CACNA2D3: variants seen among roughly 807,000 people sequenced by gnomAD.
CACNA2D3 encodes voltage-dependent calcium channel subunit alpha-2/delta-3.
In CACNA2D3, 60 loss-of-function variants were observed where a neutral mutation model predicts 160.6. That is an observed-to-expected ratio of 0.37 (90% CI 0.30 to 0.46). The LOEUF is 0.46. Ranked by LOEUF, CACNA2D3 falls within the 20% of genes least tolerant of loss-of-function variation. CACNA2D3 has a pLI of 1.00. For synonymous variants in CACNA2D3, 558 were observed against 492.9 expected (o/e 1.13, Z -1.75); for missense variants, 1,205 against 1,365.0 (o/e 0.88, Z 1.85).
At chr3:55,068,596 T>G (rs1704722366) in intron 35 of CACNA2D3, among the ~76,000 whole-genome samples, 1 of 152,226 alleles carries the variant, frequency 6.6e-6, no homozygotes, top group Non-Finnish European at 1.5e-5. Flanking sequence ...TAAATATTCT[T>G]AAATACTGGT....
intron 17 of CACNA2D3, among the ~76,000 whole-genome samples, chr3:54,862,423 G>A (rs928041086): frequency 6.6e-6 from 1 of 151,994 alleles, no homozygotes; most frequent in African/African-American, 2.4e-5. Context: ...ACGCACACGT[G>A]ATGAAGGCTC....
chr3:54,835,515 A>G (rs935285482), intron 14 of CACNA2D3, among the ~76,000 whole-genome samples: 1 of 152,190 alleles, frequency 6.6e-6, no homozygotes, highest in African/African-American at 2.4e-5. Flanking sequence ...ACTAAGTTTA[A>G]TGACCTTTAC....
At chr3:54,152,612 C>T (rs1470261930) in intron 2 of CACNA2D3, among the ~76,000 whole-genome samples, 1 of 152,156 alleles carries the variant, frequency 6.6e-6, no homozygotes, top group Non-Finnish European at 1.5e-5. Flanking sequence ...CAATCAAGGG[C>T]CCAGAGAGGG....
chr3:55,017,178 T>C (rs1045247023), intron 34 of CACNA2D3, among the ~76,000 whole-genome samples: 1 of 152,188 alleles, frequency 6.6e-6, no homozygotes, highest in Non-Finnish European at 1.5e-5. Context: ...GTATTGGAAA[T>C]CTACAAACAT....
At chr3:54,194,030 C>G (rs1234638404) in intron 2 of CACNA2D3, among the ~76,000 whole-genome samples, 1 of 151,060 alleles carries the variant, frequency 6.6e-6, no homozygotes, top group Non-Finnish European at 1.5e-5. Flanking sequence ...AAATTGACCT[C>G]GTGGAGATAG....
At chr3:54,923,584 C>T (rs1183170556) in intron 27 of CACNA2D3, among the ~76,000 whole-genome samples, 3 of 152,184 alleles carry the variant, frequency 2.0e-5, no homozygotes, top group Admixed American at 2.0e-4. Context: ...TCTGTTTCTA[C>T]TACCAGAATG....
At chr3:54,431,209 C>T (rs778679954) in intron 4 of CACNA2D3, among the ~76,000 whole-genome samples, 4 of 151,468 alleles carry the variant, frequency 2.6e-5, no homozygotes, top group Non-Finnish European at 4.4e-5. Context: ...CAATGGCAGG[C>T]GCCTGTAATC....
intron 6 of CACNA2D3, among the ~76,000 whole-genome samples, chr3:54,565,338 GA>G (rs1702392577): frequency 6.6e-6 from 1 of 152,168 alleles, no homozygotes; most frequent in African/African-American, 2.4e-5. Context: ...CACTGAGAAG[GA>G]TCACCAACTC....
intron 12 of CACNA2D3, among the ~76,000 whole-genome samples, chr3:54,762,054 G>A (rs1332570713): frequency 6.6e-6 from 1 of 152,154 alleles, no homozygotes; most frequent in Non-Finnish European, 1.5e-5. Flanking sequence ...GAGGTGGTAT[G>A]AGCCTAGGAT....
At chr3:54,326,580 G>T (rs919451445) in intron 3 of CACNA2D3, among the ~76,000 whole-genome samples, 2 of 152,128 alleles carry the variant, frequency 1.3e-5, no homozygotes, top group African/African-American at 4.8e-5. Context: ...GGATTACATT[G>T]GAAATGAAAT....
At chr3:54,896,912 A>T in intron 26 of CACNA2D3, 42 bp downstream of exon 26, 1 of 1,613,242 alleles carries the variant, frequency 6.2e-7, no homozygotes. Context: ...TGTCTGGTCC[A>T]GTGGGTCTGG....
At chr3:54,879,923 G>C (rs988384681) in intron 20 of CACNA2D3, among the ~76,000 whole-genome samples, 6 of 152,088 alleles carry the variant, frequency 3.9e-5, no homozygotes, top group African/African-American at 1.4e-4. Context: ...TGCCTCATTG[G>C]CTGCTTTCAG....
chr3:54,209,581 G>A (rs774710361), intron 2 of CACNA2D3, among the ~76,000 whole-genome samples: 56 of 152,182 alleles, frequency 3.7e-4, no homozygotes, highest in South Asian at 2.1e-4. Flanking sequence ...AAAGAAAAGC[G>A]TAATGTGAAA....
chr3:54,303,460 T>C (rs1033980937), intron 2 of CACNA2D3, among the ~76,000 whole-genome samples: 1 of 152,218 alleles, frequency 6.6e-6, no homozygotes, highest in South Asian at 2.1e-4. Flanking sequence ...GACGAGTGCA[T>C]ATATCAAGTC....
chr3:54,697,168 C>T (rs755990100), intron 11 of CACNA2D3, among the ~76,000 whole-genome samples: 5 of 152,120 alleles, frequency 3.3e-5, no homozygotes, highest in Non-Finnish European at 5.9e-5. Flanking sequence ...GTCCCAGCTA[C>T]TCAGGAGGCT....
chr3:54,874,800 C>T (rs1699620473), intron 18 of CACNA2D3: 1 of 152,192 alleles, frequency 6.6e-6, no homozygotes, highest in South Asian at 2.1e-4. Context: ...GCCCTTAAGT[C>T]CTTGAGTCCA....
chr3:54,725,763 C>CA (rs1452576356), intron 11 of CACNA2D3, among the ~76,000 whole-genome samples: 1 of 152,104 alleles, frequency 6.6e-6, no homozygotes, highest in African/African-American at 2.4e-5. Flanking sequence ...GAATGTATCT[C>CA]AAAATAACGA....
chr3:54,539,460 G>A (rs1489744911), intron 5 of CACNA2D3, among the ~76,000 whole-genome samples: 1 of 152,204 alleles, frequency 6.6e-6, no homozygotes, highest in Non-Finnish European at 1.5e-5. Flanking sequence ...AGGGGTGTGT[G>A]TGTGTTGTAT....
intron 11 of CACNA2D3, among the ~76,000 whole-genome samples, chr3:54,718,169 C>T (rs1701098322): frequency 6.6e-6 from 1 of 152,070 alleles, no homozygotes; most frequent in Admixed American, 6.6e-5. Context: ...CTGAGAATAT[C>T]TTCTCCCACC....
Sources: gnomAD v4.1 joint callset for allele counts (sites outside exome capture counted in the v4.1 genomes callset) on GRCh38, gnomAD v4.1.1 for gene constraint, MANE v1.5 for transcripts, NCBI Gene and HGNC (gene_info 2026-07-23, HGNC 2026-07-21) for gene names.